The following E2F2 variants were observed in gnomAD, a reference collection of about 807,000 sequenced individuals.
E2F2 encodes E2F transcription factor 2.
A neutral mutation model predicts 42.2 loss-of-function variants in E2F2; 22 were observed. The observed-to-expected ratio is 0.52, with a 90% CI of 0.37 to 0.74. The LOEUF (loss-of-function observed/expected upper bound fraction) is 0.74, where lower values mean the gene tolerates loss of function less well. Ranked by LOEUF, E2F2 falls within the 30% of genes least tolerant of loss-of-function variation. The pLI, the probability that E2F2 is intolerant of heterozygous loss-of-function variation, is 0.00. For missense variants in E2F2, 481 were observed against 557.8 expected (o/e 0.86, Z 1.39); for synonymous variants, 248 against 251.6 (o/e 0.99, Z 0.13).
chr1:23,519,774 A>G (rs1224699609), intron 4 of E2F2, among the ~76,000 whole-genome samples: 7 of 152,126 alleles, frequency 4.6e-5, no homozygotes, highest in Admixed American at 2.0e-4. Flanking sequence ...CACTAAAAAT[A>G]CAAAAATCAG....
chr1:23,527,756 C>T (rs1336079565), intron 1 of E2F2, among the ~76,000 whole-genome samples: 2 of 152,240 alleles, frequency 1.3e-5, no homozygotes, highest in Admixed American at 1.3e-4. Flanking sequence ...GAGCCTACAC[C>T]TCCTCACCTG....
intron 6 of E2F2, among the ~76,000 whole-genome samples, chr1:23,514,645 T>C (rs372252592): frequency 6.9e-6 from 1 of 145,484 alleles, no homozygotes; most frequent in South Asian, 2.2e-4. Flanking sequence ...CTGGCCAACA[T>C]GGGGAAACCC....
At chr1:23,513,251 C>A (rs565529312) in intron 6 of E2F2, among the ~76,000 whole-genome samples, 272 of 151,740 alleles carry the variant, frequency 1.8e-3, no homozygotes, top group African/African-American at 5.3e-3. Flanking sequence ...TAAAGTGATT[C>A]ACTCACAGTC....
At position 23,509,093 on chromosome 1, in the gene E2F2, C is replaced by G. The variant is rs1167811915; in HGVS notation, c.*787G>C. On this transcript the variant is annotated 3_prime_UTR_variant, in exon 7 of 7. Coordinates refer to ENST00000361729, the MANE Select transcript of E2F2 (RefSeq NM_004091.4). ...GTAAGGACTTCCTCAGGAAAGGGGT[C>G]TCCTGAGCAGGTGGCTCCTGTTTCC... is the stretch of plus-strand genomic sequence containing the variant. The G allele has an allele frequency of 6.6e-6, 1 of 152,162 alleles. No individual in the cohort carries two copies. Among genetic ancestry groups the G allele is most frequent in the African/African-American group, 2.4e-5 (1 of 41,428 alleles). 9.4% of individuals were successfully genotyped at this position (152,162 alleles called of 1,614,324 possible). A position where few individuals can be genotyped will look rare whatever the true frequency, so the allele number is the denominator to read the frequency against.
Position 23,519,108 on chromosome 1 carries a change from C to T in E2F2, c.760G>A (p.Asp254Asn). Residue 254 changes from aspartate to asparagine, a missense_variant, in exon 5 of 7, where the codon GAT (aspartate) becomes AAT (asparagine). Asp to Asn is a conservative substitution (Grantham distance 23). Transcript: ENST00000361729. ...TTAAAGTTGCCAACAGCACGGATAT[C>T]CTGGTAAGTCACATAGGCCAGCGTA... ...NKRLAYVTYQ[D>N]IRAVGNFKEQ... The T allele has an allele frequency of 6.2e-7, 1 of 1,613,908 alleles. No individual in the cohort carries two copies. Among genetic ancestry groups the T allele is most frequent in the Non-Finnish European group, 8.5e-7 (1 of 1,179,894 alleles).
intron 1 of E2F2, among the ~76,000 whole-genome samples, chr1:23,527,524 T>A (rs1036854704): frequency 6.6e-6 from 1 of 152,136 alleles, no homozygotes; most frequent in Non-Finnish European, 1.5e-5. Flanking sequence ...GGGTCAGAGA[T>A]CACCAGGCAC....
Position 23,520,906 on chromosome 1 carries a change from A to T in E2F2, c.737+7T>A. 1 of 1,564,248 alleles carries T rather than the reference A, an allele frequency of 6.4e-7. No individual in the cohort carries two copies. The highest frequency in any genetic ancestry group is 1.2e-5 in the South Asian group (1 of 84,740). ...CCCTGACACCTTCCCCCAACCAAGG[A>T]GGATATCTCTTGTTGGCCTTGTCCT... is the stretch of plus-strand genomic sequence containing the variant. On this transcript the variant is annotated splice_region_variant and intron_variant, in intron 4 of 6. Transcript: ENST00000361729.
intron 1 of E2F2, among the ~76,000 whole-genome samples, chr1:23,526,681 G>A (rs1342581899): frequency 1.3e-5 from 2 of 152,216 alleles, no homozygotes; most frequent in Admixed American, 6.5e-5. Flanking sequence ...GTAAGCACAT[G>A]CCCAAGGTCA....
intron 6 of E2F2, among the ~76,000 whole-genome samples, chr1:23,513,118 G>GT (rs11449034): frequency 0.53 from 73,532 of 139,666 alleles, 19,638 homozygotes; most frequent in East Asian, 0.82. Context: ...GGCCACATAA[G>GT]TTTTTTTTTT....
chr1:23,510,672 A>G (rs898238520), intron 6 of E2F2, among the ~76,000 whole-genome samples: 106 of 152,314 alleles, frequency 7.0e-4, no homozygotes, highest in African/African-American at 2.5e-3. Flanking sequence ...AGGACATTAA[A>G]CTATGTGAAA....
Position 23,509,801 on chromosome 1 carries a change from C to T in E2F2, c.*79G>A, listed in dbSNP as rs371373736. ...GGGCAGCACCTAGTGTCCAATGTCC[C>T]TGTGCAGGCAGAGGGGCTGTCAGCC... On this transcript the variant is annotated 3_prime_UTR_variant, in exon 7 of 7. Transcript: ENST00000361729. 6.8e-7 allele frequency: 1 copy of T among 1,470,162 alleles called. No individual in the cohort carries two copies. Among genetic ancestry groups the T allele is most frequent in the Non-Finnish European group, 9.0e-7 (1 of 1,108,694 alleles). 91.1% of individuals were successfully genotyped at this position (1,470,162 alleles called of 1,614,324 possible). A position where few individuals can be genotyped will look rare whatever the true frequency, so the allele number is the denominator to read the frequency against.
At chr1:23,512,452 T>C (rs1272798299) in intron 6 of E2F2, among the ~76,000 whole-genome samples, 1 of 151,574 alleles carries the variant, frequency 6.6e-6, no homozygotes, top group Admixed American at 6.6e-5. Context: ...AAATGTATAT[T>C]AATTAAAAAA....
intron 6 of E2F2, 79 bp downstream of exon 6, chr1:23,516,256 T>G: frequency 7.2e-7 from 1 of 1,394,176 alleles, no homozygotes; most frequent in Non-Finnish European, 9.3e-7. Context: ...CAGGAGGTTT[T>G]CAACAAACAT....
Position 23,522,007 on chromosome 1 carries a change from C to G in E2F2, c.408G>C (p.Leu136=), listed in dbSNP as rs1356074900. ...EKTRYDTSLG[L]LTKKFIYLLS... Reference sequence around the variant, plus strand: ...GGAGGTAAATGAACTTCTTGGTGAGCAGCCCCAGCGAAGTGTCATACCGAG... The same window carrying G: ...GGAGGTAAATGAACTTCTTGGTGAGGAGCCCCAGCGAAGTGTCATACCGAG... The change falls in exon 3 of 7, where the codon CTG becomes CTC. Residue 136 remains leucine (L), a synonymous_variant. Transcript: ENST00000361729. The G allele has an allele frequency of 6.2e-7, 1 of 1,614,074 alleles. No homozygotes were observed. The highest frequency in any genetic ancestry group is 2.2e-5 in the East Asian group (1 of 44,894).
intron 1 of E2F2, among the ~76,000 whole-genome samples, chr1:23,529,686 G>A (rs909658392): frequency 6.6e-6 from 1 of 152,156 alleles, no homozygotes; most frequent in Non-Finnish European, 1.5e-5. Flanking sequence ...CTGGGTCCAA[G>A]ACTTGTCCAA....
Position 23,530,602 on chromosome 1 carries a change from G to A in E2F2, c.192C>T (p.Asp64=). 1 of 1,613,080 alleles carries A rather than the reference G, an allele frequency of 6.2e-7. No homozygotes were observed. Among genetic ancestry groups the A allele is most frequent in the Non-Finnish European group, 8.5e-7 (1 of 1,179,768 alleles). ...PPAAAPGTCL[D]ATPHGPEGQV... ...GGCCCTCGGGTCCGTGGGGAGTGGC[G>A]TCGAGGCAGGTGCCTGGCGCCGCTG... is the stretch of plus-strand genomic sequence containing the variant. Residue 64 remains aspartate, a synonymous_variant, in exon 1 of 7, where the codon GAC becomes GAT. Coordinates refer to ENST00000361729, the MANE Select transcript of E2F2 (RefSeq NM_004091.4). The surrounding 1 kb of genome is among the most constrained non-coding windows in gnomAD (Gnocchi z 4.4).
At chr1:23,518,197 G>T (rs150711192) in intron 5 of E2F2, among the ~76,000 whole-genome samples, 363 of 151,688 alleles carry the variant, frequency 2.4e-3, no homozygotes, top group African/African-American at 8.5e-3. Context: ...GTTGAGTGTG[G>T]TGGCTCATGC....
rs925213705 is a variant in E2F2, at chr1:23,530,685, G to C, written c.109C>G (p.Leu37Val). 2 of 1,612,456 alleles carry C rather than the reference G, an allele frequency of 1.2e-6. No individual in the cohort carries two copies. Among genetic ancestry groups the C allele is most frequent in the East Asian group, 2.2e-5 (1 of 44,850 alleles). Residue 37 changes from leucine (L) to valine (V), a missense_variant, in exon 1 of 7, where the codon CTC becomes GTC. By Grantham distance (32) the Leu-to-Val change is conservative. Coordinates refer to ENST00000361729, the MANE Select transcript of E2F2 (RefSeq NM_004091.4). The surrounding 1 kb of genome is among the most constrained non-coding windows in gnomAD (Gnocchi z 4.4). ...TAGTAGGTAGCAGTAGCTGGGCAGA[G>C]CTGGGGGCTGCTGAGGCCGGATGGC... Reference protein sequence around the residue: ...LWPSGLSSPQLCPATATYYTP... With the variant: ...LWPSGLSSPQVCPATATYYTP...
At chr1:23,524,092 C>CAA (rs1200088873) in intron 2 of E2F2, among the ~76,000 whole-genome samples, 40 of 55,882 alleles carry the variant, frequency 7.2e-4, no homozygotes, top group African/African-American at 1.4e-3. Context: ...ACAACAACAA[C>CAA]AACAACAACA....
Sources: gnomAD v4.1 joint callset for allele counts (sites outside exome capture counted in the v4.1 genomes callset) on GRCh38, gnomAD v4.1.1 for gene constraint, Gnocchi (gnomAD v3.1) non-coding constraint, MANE v1.5 for transcripts, NCBI Gene and HGNC (gene_info 2026-07-23, HGNC 2026-07-21) for gene names.